Variants in CACNA1C observed in about 807,000 individuals in gnomAD.
CACNA1C encodes calcium voltage-gated channel subunit alpha1 C, also known as voltage-dependent L-type calcium channel subunit alpha-1C.
CACNA1C carries 30 observed loss-of-function variants against 229.0 expected under a neutral mutation model. The ratio of observed to expected loss-of-function variants is 0.13; its 90% CI spans 0.10 to 0.18. CACNA1C has a LOEUF of 0.18. Ranked by LOEUF, CACNA1C falls within the 10% of genes least tolerant of loss-of-function variation. The probability of loss-of-function intolerance (pLI) is 1.00; values close to 1 mark genes in which losing one functional copy is unlikely to be tolerated. For synonymous variants in CACNA1C, 1,114 were observed against 1,132.5 expected, an observed-to-expected ratio of 0.98 and a Z score of 0.33; for missense variants, 1,658 against 2,845.0, an observed-to-expected ratio of 0.58 and a Z score of 9.49.
chr12:2,552,490 C>T (rs1165043833), intron 10 of CACNA1C, among the ~76,000 whole-genome samples: 3 of 152,150 alleles, frequency 2.0e-5, no homozygotes, highest in Non-Finnish European at 4.4e-5. Context: ...GACCCTTAAC[C>T]GTTTGGGTCT....
At chr12:2,223,852 T>C (rs962177345) in intron 3 of CACNA1C, among the ~76,000 whole-genome samples, 1 of 152,182 alleles carries the variant, frequency 6.6e-6, no homozygotes, top group African/African-American at 2.4e-5. Context: ...TTGAAGTGCA[T>C]AGCAAGAGCT....
chr12:2,632,771 G>A lies in CACNA1C; in HGVS notation c.3829-1526G>A, dbSNP rs962977353. On this transcript the variant is annotated intron_variant, in intron 29 of 46. Transcript: ENST00000399655. This position sits in a 1 kb window ranked among gnomAD's most constrained non-coding sequence, Gnocchi z 4.1. ...GATCACCGCGTGCCCTCTGCGCGGC[G>A]TCTGCATTCAGCAGGACCCTACCTC... 4.6e-5 allele frequency among the ~76,000 whole-genome samples: 7 copies of A among 152,234 alleles called. No homozygotes were observed. Among genetic ancestry groups the A allele is most frequent in the South Asian group, 2.1e-4 (1 of 4,820 alleles).
rs954373443 is a variant in CACNA1C at position 2,467,922 on chromosome 12, G to A, written c.757+10216G>A. ...CTCGGTTTCTCAATCTACAAAGAGT[G>A]AGTGATGGGGGTGCCATGGATAAGG... is the stretch of plus-strand genomic sequence containing the variant. On this transcript the variant is annotated intron_variant, in intron 5 of 46. Coordinates refer to ENST00000399655, the MANE Select transcript of CACNA1C (RefSeq NM_000719.7). This position sits in a 1 kb window ranked among gnomAD's most constrained non-coding sequence, Gnocchi z 4.6. Among the ~76,000 whole-genome samples, 8 of 152,326 alleles carry A rather than the reference G, an allele frequency of 5.3e-5. No individual in the cohort carries two copies. Among genetic ancestry groups the A allele is most frequent in the African/African-American group, 1.9e-4 (8 of 41,580 alleles).
intron 10 of CACNA1C, 103 bp downstream of exon 10, chr12:2,550,136 C>G: frequency 1.2e-6 from 1 of 846,412 alleles, no homozygotes; most frequent in Non-Finnish European, 1.9e-6. Context: ...CTAGGAAGGG[C>G]AGAGATTAGA....
intron 3 of CACNA1C, among the ~76,000 whole-genome samples, chr12:2,317,856 C>G (rs975261512): frequency 5.9e-5 from 9 of 152,124 alleles, no homozygotes; most frequent in African/African-American, 1.9e-4. Flanking sequence ...GGCGCCATCT[C>G]CTTCATTTCA....
rs151138437 is a variant in CACNA1C at position 2,654,701 on chromosome 12, A to G, written c.4141-446A>G. Among the ~76,000 whole-genome samples the G allele has an allele frequency of 8.5e-5, 13 of 152,372 alleles. No homozygotes were observed. Among genetic ancestry groups the G allele is most frequent in the African/African-American group, 2.6e-4 (11 of 41,596 alleles). ...ACAGCTTTAAAAGACCAGGAAGAAA[A>G]GGGATTTCAGGAATGCATTAAGCTT... On this transcript the variant is annotated intron_variant, in intron 33 of 46. Transcript: ENST00000399655. This position sits in a 1 kb window ranked among gnomAD's most constrained non-coding sequence, Gnocchi z 4.4.
intron 3 of CACNA1C, among the ~76,000 whole-genome samples, chr12:2,304,763 A>C (rs1263264945): frequency 2.6e-5 from 4 of 152,206 alleles, no homozygotes; most frequent in Middle Eastern, 3.4e-3. Flanking sequence ...GTTGTTTCTA[A>C]ATTTAAAAAA....
At chr12:2,541,272 A>G (rs748509203) in intron 9 of CACNA1C, among the ~76,000 whole-genome samples, 3 of 152,316 alleles carry the variant, frequency 2.0e-5, no homozygotes, top group Non-Finnish European at 4.4e-5. Flanking sequence ...GCCAAATTAC[A>G]GGGTGTTTTA....
At chr12:2,393,524 C>T (rs1162043484) in intron 3 of CACNA1C, among the ~76,000 whole-genome samples, 2 of 152,238 alleles carry the variant, frequency 1.3e-5, no homozygotes, top group Non-Finnish European at 2.9e-5. Flanking sequence ...CTTACCCCCA[C>T]TCCTTGCTAG....
intron 1 of CACNA1C, among the ~76,000 whole-genome samples, chr12:1,996,737 A>G (rs2041018498): frequency 6.8e-6 from 1 of 146,080 alleles, no homozygotes; most frequent in Admixed American, 6.9e-5. Context: ...CACGTGTCCT[A>G]TGGGCCGTGG....
chr12:2,464,575 T>G (rs2099537393), intron 5 of CACNA1C, among the ~76,000 whole-genome samples: 1 of 152,260 alleles, frequency 6.6e-6, no homozygotes, highest in Non-Finnish European at 1.5e-5. Context: ...CCTTTAATCC[T>G]GGTTAATGTG....
intron 4 of CACNA1C, among the ~76,000 whole-genome samples, chr12:2,455,224 T>TAGTA (rs2099410155): frequency 6.6e-6 from 1 of 152,234 alleles, no homozygotes; most frequent in South Asian, 2.1e-4. Context: ...CGCCCACTTC[T>TAGTA]AGTAACCCCC....
At chr12:2,172,034 G>T (rs1359826922) in intron 3 of CACNA1C, among the ~76,000 whole-genome samples, 1 of 152,176 alleles carries the variant, frequency 6.6e-6, no homozygotes, top group African/African-American at 2.4e-5. Flanking sequence ...GTGAATGCAG[G>T]GTTGTTCCTG....
chr12:2,569,202 C>A (rs1045017579), intron 13 of CACNA1C, among the ~76,000 whole-genome samples: 1 of 152,166 alleles, frequency 6.6e-6, no homozygotes, highest in South Asian at 2.1e-4. Context: ...AAGACAAGGA[C>A]AGGGCTGAGG....
At chr12:2,389,729 G>T (rs909400682) in intron 3 of CACNA1C, among the ~76,000 whole-genome samples, 3 of 152,144 alleles carry the variant, frequency 2.0e-5, no homozygotes, top group Admixed American at 6.5e-5. Flanking sequence ...TTTAGAAGAA[G>T]CCTCCTGTCA....
chr12:2,429,616 C>T (rs911680565), intron 3 of CACNA1C, among the ~76,000 whole-genome samples: 22 of 152,330 alleles, frequency 1.4e-4, no homozygotes, highest in African/African-American at 5.1e-4. Context: ...AAAAGCTCTT[C>T]GTAGCCTGCA....
In CACNA1C at chr12:2,425,390, G is replaced by A. The variant is rs567138716; in HGVS notation, c.478-23586G>A. On this transcript the variant is annotated intron_variant, in intron 3 of 46. Transcript: ENST00000399655. ...TCAGCAACAGTAGCTTCAAGGAAGTGGAATACTGCTCCTTTTCCTTTTCCT... is the reference window on the plus strand; with the variant it reads ...TCAGCAACAGTAGCTTCAAGGAAGTAGAATACTGCTCCTTTTCCTTTTCCT... 1.9e-3 allele frequency among the ~76,000 whole-genome samples: 288 copies of A among 152,282 alleles called. 1 individual carries two copies. Among genetic ancestry groups the A allele is most frequent in the Middle Eastern group, 6.8e-3 (2 of 294 alleles).
intron 3 of CACNA1C, among the ~76,000 whole-genome samples, chr12:2,342,069 G>A (rs529749812): frequency 1.5e-4 from 23 of 152,324 alleles, no homozygotes; most frequent in Non-Finnish European, 2.9e-4. Context: ...AAACCAGACT[G>A]TTTCCAAAGA....
At chr12:2,398,211 A>G (rs912249474) in intron 3 of CACNA1C, among the ~76,000 whole-genome samples, 8 of 152,242 alleles carry the variant, frequency 5.3e-5, no homozygotes, top group Middle Eastern at 3.2e-3. Context: ...GCAAAATCCA[A>G]TAGCCCAGCT....
Sources: allele counts gnomAD v4.1 joint callset (sites outside exome capture counted in the v4.1 genomes callset), GRCh38; gene constraint gnomAD v4.1.1; non-coding constraint Gnocchi (gnomAD v3.1); transcripts MANE v1.5; gene names NCBI Gene and HGNC (gene_info 2026-07-23, HGNC 2026-07-21).